CLEC4F: variants seen among roughly 807,000 people sequenced by gnomAD.
CLEC4F encodes the protein C-type (calcium dependent, carbohydrate-recognition domain) lectin, superfamily member 13.
Under a neutral mutation model 53.4 loss-of-function variants are expected in CLEC4F, and 45 were observed. That is an observed-to-expected ratio of 0.84 (90% CI 0.66 to 1.08). CLEC4F has a LOEUF of 1.08. Among genes scored for constraint, CLEC4F ranks in the 50% least tolerant of loss-of-function variants. CLEC4F has a pLI of 0.00. For missense variants in CLEC4F, 753 were observed against 698.2 expected (o/e 1.08, Z -0.88); for synonymous variants, 245 against 257.5 (o/e 0.95, Z 0.46).
chr2:70,813,614 T>TCTTTCTTTCTTTCTTC lies in CLEC4F; in HGVS notation c.1388-1017_1388-1016insGAAGAAAGAAAGAAAG, dbSNP rs1553394989. 4.3e-3 allele frequency among the ~76,000 whole-genome samples: 603 copies of TCTTTCTTTCTTTCTTC among 141,866 alleles called. 5 individuals are homozygous for TCTTTCTTTCTTTCTTC. The highest frequency in any genetic ancestry group is 0.016 in the African/African-American group (554 of 34,818). 93.1% of individuals were successfully genotyped at this position (141,866 alleles called of 152,430 possible). A position where few individuals can be genotyped will look rare whatever the true frequency, so the allele number is the denominator to read the frequency against. Reference sequence around the variant, plus strand: ...CTTTCTTTCTCTTTCTTTCTTTCTTTCTTTCTTTCTTTCTTTCTTTCTTTC... The same window carrying TCTTTCTTTCTTTCTTC: ...CTTTCTTTCTCTTTCTTTCTTTCTTTCTTTCTTTCTTTCTTCCTTTCTTTCTTTCTTTCTTTCTTTC... On this transcript the variant is annotated intron_variant, in intron 4 of 6. Transcript: ENST00000272367.
At chr2:70,811,138 T>G (rs60035770) in intron 5 of CLEC4F, 43,334 of 686,690 alleles carry the variant, frequency 0.063, 3,943 homozygotes, top group African/African-American at 0.27. Flanking sequence ...TGGAGTTTTA[T>G]GAGCTATGCA....
chr2:70,821,721 C>T (rs115680715), upstream of CLEC4F, among the ~76,000 whole-genome samples: 845 of 152,118 alleles, frequency 5.6e-3, 3 homozygotes, highest in Non-Finnish European at 9.6e-3. Flanking sequence ...TGCAGAAACC[C>T]CCTAATTTTT....
rs1676366081 is a variant in CLEC4F at position 70,808,832 on chromosome 2, G to A, written c.*439C>T. Reference sequence around the variant, plus strand: ...CAGGAAGTCCACAAGGCCAACGGAAGGTCCCAGAGAACAAGCAGAGCTCAG... The same window carrying A: ...CAGGAAGTCCACAAGGCCAACGGAAAGTCCCAGAGAACAAGCAGAGCTCAG... On this transcript the variant is annotated 3_prime_UTR_variant, in exon 7 of 7. Transcript: ENST00000272367. The A allele has an allele frequency of 1.1e-5, 6 of 530,126 alleles. No homozygotes were observed. The Admixed American group carries it at 1.6e-4, about 14-fold the overall frequency. The allele number at this position is 530,126 out of a possible 1,614,324, so 32.8% of individuals were successfully genotyped here. A position where few individuals can be genotyped will look rare whatever the true frequency, so the allele number is the denominator to read the frequency against.
chr2:70,819,385 T>C lies in CLEC4F; in HGVS notation c.238A>G (p.Ile80Val), dbSNP rs1553397238. Residue 80 changes from isoleucine (I) to valine (V), a missense_variant, in exon 3 of 7, where the codon ATT becomes GTT. Coordinates refer to ENST00000272367, the MANE Select transcript of CLEC4F (RefSeq NM_173535.3). ...GGTTCAAAAGGTAAATGCCCAGTAA[T>C]GTTGTCTCCCAGAATTACGGCTTGC... ...PVQAVILGDN[I>V]TGHLPFEPNN... The C allele has an allele frequency of 6.2e-6, 10 of 1,614,084 alleles. No individual in the cohort carries two copies. The highest frequency in any genetic ancestry group is 7.6e-6 in the Non-Finnish European group (9 of 1,180,010).
upstream of CLEC4F, among the ~76,000 whole-genome samples, chr2:70,821,841 C>T (rs1677232347): frequency 6.6e-6 from 1 of 152,180 alleles, no homozygotes. Context: ...TTCTCAGCCC[C>T]AACATCCCAG....
intron 1 of CLEC4F, 47 bp from the exon 2 acceptor site, chr2:70,819,938 G>C: frequency 7.6e-7 from 1 of 1,319,592 alleles, no homozygotes; most frequent in Non-Finnish European, 1.0e-6. Context: ...GCTGTGCAAG[G>C]TAAGAGGGTG....
At chr2:70,812,312 C>T (rs547933837) in intron 5 of CLEC4F, 135 bp downstream of exon 5, 2 of 889,172 alleles carry the variant, frequency 2.2e-6, no homozygotes, top group South Asian at 3.5e-5. Context: ...AGAACTCACT[C>T]AATATTTGCT....
At chr2:70,819,296 G>A (rs1677092294) in intron 3 of CLEC4F, 59 bp downstream of exon 3, 8 of 1,300,496 alleles carry the variant, frequency 6.2e-6, no homozygotes, top group African/African-American at 4.4e-5. Context: ...TCATCCTAGG[G>A]TCTGAGCATC....
At chr2:70,810,894 A>C in intron 5 of CLEC4F, 1 of 545,664 alleles carries the variant, frequency 1.8e-6, no homozygotes, top group Non-Finnish European at 3.6e-6. Context: ...ATTTCATCAC[A>C]AATTTAATAA....
chr2:70,810,884 A>T, intron 5 of CLEC4F: 4 of 551,844 alleles, frequency 7.2e-6, no homozygotes, highest in Non-Finnish European at 1.1e-5. Flanking sequence ...ATCAAATTAT[A>T]TTTCATCACA....
chr2:70,823,265 G>A (rs782295659), upstream of CLEC4F, among the ~76,000 whole-genome samples: 5 of 152,166 alleles, frequency 3.3e-5, no homozygotes, highest in Non-Finnish European at 7.3e-5. Context: ...AAGGGTGAAG[G>A]CACCTATTTC....
chr2:70,814,598 T>A (rs1243803950), intron 4 of CLEC4F, among the ~76,000 whole-genome samples: 1 of 152,200 alleles, frequency 6.6e-6, no homozygotes, highest in Non-Finnish European at 1.5e-5. Context: ...AGCAGTGTCT[T>A]TTTAATAAAA....
chr2:70,820,588 A>T lies in CLEC4F; in HGVS notation c.-65T>A, dbSNP rs781912502. On this transcript the variant is annotated 5_prime_UTR_variant, in exon 1 of 7. Coordinates refer to ENST00000272367, the MANE Select transcript of CLEC4F (RefSeq NM_173535.3). ...GGCTCCTGGAAGGGCCGTCCCGTGG[A>T]CCAATGGCAGTGGAAGCAAAGCTGA... The T allele has an allele frequency of 2.0e-6, 3 of 1,492,758 alleles. No homozygotes were observed. The Admixed American group carries it at 6.2e-5, about 31-fold the overall frequency. The allele number at this position is 1,492,758 out of a possible 1,614,324, so 92.5% of individuals were successfully genotyped here. A position where few individuals can be genotyped will look rare whatever the true frequency, so the allele number is the denominator to read the frequency against.
rs1553393621 is a variant in CLEC4F, at chr2:70,809,490, G to GC, written c.1659-109dup. On this transcript the variant is annotated intron_variant, in intron 6 of 6. Transcript: ENST00000272367. ...CCTCTGTGGAGGAGTCCAGGTGAGA[G>GC]CGATGACCACACCTGTGTGTCCAAA... The GC allele has an allele frequency of 2.4e-6, 3 of 1,226,876 alleles. No individual in the cohort carries two copies. The East Asian group carries it at 7.5e-5, about 31-fold the overall frequency. The allele number at this position is 1,226,876 out of a possible 1,614,324, so 76.0% of individuals were successfully genotyped here.
At chr2:70,822,534 G>T (rs1548889), upstream of CLEC4F, among the ~76,000 whole-genome samples, 92,979 of 151,536 alleles carry the variant, frequency 0.61, 28,943 homozygotes, top group Middle Eastern at 0.7. Context: ...GTGCAAACGT[G>T]ATGTCCCTGT....
At chr2:70,821,071 A>G (rs1484664874), upstream of CLEC4F, among the ~76,000 whole-genome samples, 1 of 152,194 alleles carries the variant, frequency 6.6e-6, no homozygotes, top group African/African-American at 2.4e-5. Flanking sequence ...CGGAGGTTAT[A>G]TAAAAATACT....
At chr2:70,824,587 T>C (rs72907999), upstream of CLEC4F, among the ~76,000 whole-genome samples, 76,457 of 129,562 alleles carry the variant, frequency 0.59, 23,071 homozygotes, top group Middle Eastern at 0.7. Flanking sequence ...CTGGAGCATC[T>C]TGTAGTACCA....
At chr2:70,815,402 A>G (rs782735494) in intron 4 of CLEC4F, among the ~76,000 whole-genome samples, 1 of 151,736 alleles carries the variant, frequency 6.6e-6, no homozygotes, top group Non-Finnish European at 1.5e-5. Context: ...CTTCTAACCT[A>G]TCAGCCTTAT....
At position 70,812,516 on chromosome 2, in the gene CLEC4F, C is replaced by T. The variant is rs1676624765; in HGVS notation, c.1470G>A (p.Trp490Ter). 6.2e-7 allele frequency: 1 copy of T among 1,614,148 alleles called. No homozygotes were observed. Among genetic ancestry groups the T allele is most frequent in the East Asian group, 2.2e-5 (1 of 44,884 alleles). ...LYYFSSVKKSWHEAEQFCVSQ... is the reference protein window; with the variant it reads ...LYYFSSVKKS ...ACACGCAGAACTGCTCAGCCTCATG[C>T]CAAGACTTCTTGACACTAGAAAAAT... The change falls in exon 5 of 7, where the codon TGG (tryptophan) becomes TGA (stop). Residue 490 changes from tryptophan to a stop codon, truncating the protein, a stop_gained. Coordinates refer to ENST00000272367, the MANE Select transcript of CLEC4F (RefSeq NM_173535.3). LOFTEE classifies it high-confidence loss of function.
Sources: gnomAD v4.1 joint callset for allele counts (sites outside exome capture counted in the v4.1 genomes callset) on GRCh38, gnomAD v4.1.1 for gene constraint, MANE v1.5 for transcripts, NCBI Gene and HGNC (gene_info 2026-07-23, HGNC 2026-07-21) for gene names.